Variants in ARHGEF5 observed in about 807,000 individuals in gnomAD.
The protein encoded by ARHGEF5 is Rho guanine nucleotide exchange factor 5, also known as Rho guanine nucleotide exchange factor (GEF) 5.
Under a neutral mutation model 104.0 loss-of-function variants are expected in ARHGEF5, and 11 were observed. The observed-to-expected ratio is 0.11, with a 90% CI of 0.07 to 0.18. ARHGEF5 has a LOEUF of 0.18. ARHGEF5 is among the 10% of genes least tolerant of loss of function. The pLI is 1.00. For synonymous variants in ARHGEF5, 60 were observed against 512.2 expected (o/e 0.12, Z 11.92); for missense variants, 165 against 1,335.4 (o/e 0.12, Z 13.66).
In ARHGEF5 at chr7:144,370,668, G is replaced by A. The variant is rs556006552; in HGVS notation, c.3532-493G>A. 6.9e-3 allele frequency among the ~76,000 whole-genome samples: 1,021 copies of A among 148,756 alleles called. 4 individuals are homozygous for A. Among genetic ancestry groups the A allele is most frequent in the African/African-American group, 0.024 (942 of 39,916 alleles). The stretch of plus-strand genomic sequence containing the variant: ...TTTTGTAGAGACAGGGTCTCTCTAC[G>A]TCGCCCAGCCTGGTCCTGAACTCCC... On this transcript the variant is annotated intron_variant, in intron 5 of 14. Coordinates refer to ENST00000056217, the MANE Select transcript of ARHGEF5 (RefSeq NM_005435.4).
intron 12 of ARHGEF5, among the ~76,000 whole-genome samples, 173 bp downstream of exon 12, chr7:144,375,848 G>T (rs1348082086): frequency 6.6e-6 from 1 of 152,306 alleles, no homozygotes; most frequent in African/African-American, 2.4e-5. Context: ...TGGATAACTT[G>T]CAGGAGATTG....
At chr7:144,379,005 G>T in intron 14 of ARHGEF5, 139 bp downstream of exon 14, 1 of 820,306 alleles carries the variant, frequency 1.2e-6, no homozygotes, top group Non-Finnish European at 1.9e-6. Flanking sequence ...TTCTCTCACA[G>T]TTCTGGAGGC....
intron 1 of ARHGEF5, among the ~76,000 whole-genome samples, chr7:144,361,153 G>A (rs1471378824): frequency 3.6e-5 from 5 of 139,706 alleles, no homozygotes; most frequent in African/African-American, 7.9e-5. Context: ...GCTTGAACCC[G>A]GAGATGGAGG....
chr7:144,380,374 C>G lies in ARHGEF5; in HGVS notation c.*318C>G. The G allele has an allele frequency of 4.3e-6, 1 of 232,722 alleles. No individual in the cohort carries two copies. Among genetic ancestry groups the G allele is most frequent in the Non-Finnish European group, 8.6e-6 (1 of 116,114 alleles). 14.4% of individuals were successfully genotyped at this position (232,722 alleles called of 1,614,324 possible). The stretch of plus-strand genomic sequence containing the variant: ...TTAAACATTCTCCGCCTCCAGGGTG[C>G]AGATTCAGAGCTGGCCAGAGTTTCA... On this transcript the variant is annotated 3_prime_UTR_variant, in exon 15 of 15. Coordinates refer to ENST00000056217, the MANE Select transcript of ARHGEF5 (RefSeq NM_005435.4).
Position 144,380,093 on chromosome 7 carries a change from A to G in ARHGEF5, c.*37A>G. 6.2e-7 allele frequency: 1 copy of G among 1,612,848 alleles called. No individual in the cohort carries two copies. Among genetic ancestry groups the G allele is most frequent in the Non-Finnish European group, 8.5e-7 (1 of 1,179,020 alleles). ...GAGGAGTTTCGTGAGCTGAAGAACA[A>G]GCTGCTCATGGCAAGGGCTGGCCCC... is the stretch of plus-strand genomic sequence containing the variant. On this transcript the variant is annotated 3_prime_UTR_variant, in exon 15 of 15. Transcript: ENST00000056217.
chr7:144,377,299 T>C, intron 13 of ARHGEF5, 109 bp downstream of exon 13: 4 of 1,538,366 alleles, frequency 2.6e-6, no homozygotes, highest in South Asian at 1.2e-5. Context: ...TTTATTGATA[T>C]TCCGTAAAAT....
At chr7:144,370,736 G>T (rs1446661887) in intron 5 of ARHGEF5, among the ~76,000 whole-genome samples, 2 of 147,350 alleles carry the variant, frequency 1.4e-5, no homozygotes, top group Non-Finnish European at 3.0e-5. Flanking sequence ...AAAGTGTTGG[G>T]ATTACAGGCG....
chr7:144,378,960 C>G, intron 14 of ARHGEF5, 94 bp downstream of exon 14: 1 of 1,241,560 alleles, frequency 8.1e-7, no homozygotes, highest in Non-Finnish European at 1.2e-6. Context: ...TGACAAAGTA[C>G]CATGGACTGG....
intron 5 of ARHGEF5, among the ~76,000 whole-genome samples, chr7:144,370,483 T>C (rs552443117): frequency 4.1e-4 from 61 of 149,992 alleles, no homozygotes; most frequent in African/African-American, 1.4e-3. Context: ...GTTTGTTTGT[T>C]TTGAGATGGG....
intron 5 of ARHGEF5, 34 bp from the exon 6 acceptor site, chr7:144,371,127 C>T: frequency 6.2e-7 from 1 of 1,613,200 alleles, no homozygotes; most frequent in Non-Finnish European, 8.5e-7. Context: ...TAAATAAAAT[C>T]CTTAATTAAT....
At chr7:144,377,631 G>A (rs974982986) in intron 13 of ARHGEF5, among the ~76,000 whole-genome samples, 8 of 152,040 alleles carry the variant, frequency 5.3e-5, no homozygotes, top group Non-Finnish European at 1.2e-4. Flanking sequence ...TGCCCATGGG[G>A]AGCCACAGGC....
chr7:144,377,559 C>G (rs560030413), intron 13 of ARHGEF5, among the ~76,000 whole-genome samples: 1 of 152,134 alleles, frequency 6.6e-6, no homozygotes, highest in African/African-American at 2.4e-5. Flanking sequence ...GGATAGCACC[C>G]CAGATCTATC....
At chr7:144,368,388 C>T (rs1318548378) in intron 5 of ARHGEF5, among the ~76,000 whole-genome samples, 8 of 35,072 alleles carry the variant, frequency 2.3e-4, no homozygotes, top group African/African-American at 1.2e-3. Flanking sequence ...CCAGAGCCCA[C>T]TTTAATATTT....
chr7:144,360,309 C>T (rs1332942941), intron 1 of ARHGEF5, among the ~76,000 whole-genome samples: 6 of 108,876 alleles, frequency 5.5e-5, no homozygotes, highest in Admixed American at 4.1e-4. Context: ...CAGGGTTTCA[C>T]CAGGTTGTCC....
chr7:144,378,686 A>C (rs1587074681), intron 13 of ARHGEF5, 76 bp from the exon 14 acceptor site: 2 of 1,263,054 alleles, frequency 1.6e-6, no homozygotes, highest in East Asian at 2.4e-5. Flanking sequence ...CTCCCACGCC[A>C]CCCCCCTCCA....
In ARHGEF5 at chr7:144,380,128, C is replaced by T. The variant is rs1587076081; in HGVS notation, c.*72C>T. 6.4e-7 allele frequency: 1 copy of T among 1,571,988 alleles called. No homozygotes were observed. The stretch of plus-strand genomic sequence containing the variant: ...GGCAAGGGCTGGCCCCAGAACCCTG[C>T]AAGAGAGGCCTTCTGTGGATGGAGA... On this transcript the variant is annotated 3_prime_UTR_variant, in exon 15 of 15. Transcript: ENST00000056217.
intron 1 of ARHGEF5, among the ~76,000 whole-genome samples, chr7:144,358,787 G>A (rs1473764485): frequency 1.5e-5 from 2 of 132,312 alleles, no homozygotes; most frequent in African/African-American, 2.8e-5. Flanking sequence ...GTGTGTGTGT[G>A]TGTGTGTGTG....
intron 14 of ARHGEF5, 82 bp downstream of exon 14, chr7:144,378,948 C>A: frequency 1.5e-6 from 2 of 1,346,956 alleles, no homozygotes; most frequent in Non-Finnish European, 2.1e-6. Flanking sequence ...CTGCAGCTGC[C>A]ATGACAAAGT....
intron 13 of ARHGEF5, among the ~76,000 whole-genome samples, chr7:144,378,556 G>A (rs901969549): frequency 2.0e-5 from 3 of 152,130 alleles, no homozygotes; most frequent in Non-Finnish European, 4.4e-5. Flanking sequence ...CGTCTCCTCT[G>A]GAGAAGTGGA....
Sources: gnomAD v4.1 joint callset for allele counts (sites outside exome capture counted in the v4.1 genomes callset) on GRCh38, gnomAD v4.1.1 for gene constraint, MANE v1.5 for transcripts, NCBI Gene and HGNC (gene_info 2026-07-23, HGNC 2026-07-21) for gene names.